LCP2: variants seen among roughly 807,000 people sequenced by gnomAD.
LCP2 encodes the protein lymphocyte cytosolic protein 2.
In LCP2, 29 loss-of-function variants were observed where a neutral mutation model predicts 74.5. That is an observed-to-expected ratio of 0.39 (90% CI 0.29 to 0.53). The LOEUF is 0.53. LCP2 is among the 20% of genes least tolerant of loss of function. The pLI, the probability that LCP2 is intolerant of heterozygous loss-of-function variation, is 0.72. For synonymous variants in LCP2, 228 were observed against 229.5 expected, an observed-to-expected ratio of 0.99 and a Z score of 0.06; for missense variants, 604 against 634.6, an observed-to-expected ratio of 0.95 and a Z score of 0.52.
At chr5:170,281,243 G>A (rs939565641) in intron 3 of LCP2, among the ~76,000 whole-genome samples, 1 of 152,032 alleles carries the variant, frequency 6.6e-6, no homozygotes, top group Non-Finnish European at 1.5e-5. Context: ...GGACCATGTT[G>A]GAGAGAGGCC....
chr5:170,277,552 G>A (rs1221070725), intron 3 of LCP2, among the ~76,000 whole-genome samples: 2 of 151,682 alleles, frequency 1.3e-5, no homozygotes, highest in Non-Finnish European at 1.5e-5. Flanking sequence ...TTCGAGACCA[G>A]CCTGGCCAAC....
At chr5:170,267,323 A>G in intron 8 of LCP2, 1 of 571,842 alleles carries the variant, frequency 1.7e-6, no homozygotes. Flanking sequence ...GCCTCCTATC[A>G]CATTAGAAAC....
chr5:170,248,938 GA>G lies in LCP2; in HGVS notation c.1480-120del, dbSNP rs111364433. On this transcript the variant is annotated intron_variant, in intron 20 of 20. Transcript: ENST00000046794. ...CTTCAAGTGATGAGGATTGTGGGGG[GA>G]AAAAATGTAAATGTGGCAATTAGTT... 4.8e-3 allele frequency: 4,760 copies of G among 992,178 alleles called. 31 individuals are homozygous for G. The highest frequency in any genetic ancestry group is 0.035 in the Middle Eastern group (155 of 4,480). The allele number at this position is 992,178 out of a possible 1,614,324, so 61.5% of individuals were successfully genotyped here.
chr5:170,271,884 G>A (rs1249749937), intron 6 of LCP2, among the ~76,000 whole-genome samples: 1 of 152,190 alleles, frequency 6.6e-6, no homozygotes, highest in Non-Finnish European at 1.5e-5. Context: ...GTGGCCTCAG[G>A]CAGACTGTCT....
intron 3 of LCP2, 29 bp from the exon 4 acceptor site, chr5:170,275,889 T>A: frequency 1.2e-5 from 19 of 1,536,980 alleles, no homozygotes; most frequent in Non-Finnish European, 1.7e-5. Context: ...GATGAAGAGA[T>A]AAAACCATCA....
At chr5:170,275,184 G>T in intron 5 of LCP2, 136 bp downstream of exon 5, 2 of 912,722 alleles carry the variant, frequency 2.2e-6, no homozygotes, top group Non-Finnish European at 3.5e-6. Context: ...ACCCTTTTCT[G>T]GGTAAGAACT....
intron 20 of LCP2, among the ~76,000 whole-genome samples, chr5:170,249,031 T>G (rs1488717851): frequency 6.6e-6 from 1 of 152,080 alleles, no homozygotes; most frequent in Non-Finnish European, 1.5e-5. Context: ...TAGATAAAGA[T>G]AAAATATGGG....
At chr5:170,281,203 C>T (rs752137977) in intron 3 of LCP2, among the ~76,000 whole-genome samples, 80 of 152,110 alleles carry the variant, frequency 5.3e-4, no homozygotes, top group Non-Finnish European at 9.0e-4. Context: ...GGTCCCTGGA[C>T]GGCAATTAGC....
intron 10 of LCP2, among the ~76,000 whole-genome samples, chr5:170,265,333 G>C (rs1319005840): frequency 2.6e-5 from 4 of 152,136 alleles, no homozygotes; most frequent in African/African-American, 9.7e-5. Context: ...AAAAGTCTCA[G>C]GTGGGGTGTA....
intron 14 of LCP2, among the ~76,000 whole-genome samples, chr5:170,259,445 T>A (rs1419128454): frequency 1.3e-5 from 2 of 152,182 alleles, no homozygotes; most frequent in South Asian, 2.1e-4. Context: ...ACCCTCACCA[T>A]TTTTATCTTC....
chr5:170,279,564 G>A (rs1295852119), intron 3 of LCP2, among the ~76,000 whole-genome samples: 1 of 152,208 alleles, frequency 6.6e-6, no homozygotes, highest in Non-Finnish European at 1.5e-5. Flanking sequence ...CTGATCACCA[G>A]GCCCAGCCTA....
chr5:170,253,135 G>C lies in LCP2; in HGVS notation c.1229C>G (p.Ser410Cys), dbSNP rs34192428. The change falls in exon 18 of 21, where the codon TCC (serine) becomes TGC (cysteine). Residue 410 changes from serine (S) to cysteine (C), a missense_variant. Ser to Cys is a moderately radical substitution (Grantham distance 112, BLOSUM62 -1). Transcript: ENST00000046794. ...CTCTCTTACCTCTTCCTCCGCGGGG[G>C]ATGGGGGCCGAGGTTTGTTTGGAAG... ...LPLPNKPRPP[S>C]PAEEENSLNE... 0.016 allele frequency: 26,138 copies of C among 1,609,648 alleles called. 263 individuals are homozygous for C. The highest frequency in any genetic ancestry group is 0.019 in the Non-Finnish European group (22,190 of 1,177,266).
intron 18 of LCP2, chr5:170,252,713 C>A: frequency 3.7e-6 from 2 of 538,240 alleles, no homozygotes; most frequent in Middle Eastern, 5.1e-4. Flanking sequence ...TTTATCATGA[C>A]ACTGGTTGCA....
chr5:170,270,802 G>A lies in LCP2; in HGVS notation c.440C>T (p.Pro147Leu), dbSNP rs764153685. 16 of 1,611,238 alleles carry A rather than the reference G, an allele frequency of 9.9e-6. No individual in the cohort carries two copies. In the East Asian group the frequency reaches 1.1e-4, roughly 11 times the overall value. ...AGCTTCCTCGTCATTGGAGGGTGGC[G>A]GCTCATAATCCGCGTCATCTTCCAC... ...APVEDDADYE[P>L]PPSNDEEALQ... is the part of the protein sequence containing the mutation. The change falls in exon 7 of 21, where the codon CCG (proline) becomes CTG (leucine). Residue 147 changes from proline to leucine, a missense_variant. Physicochemically the swap from Pro to Leu is moderately conservative, Grantham distance 98. Coordinates refer to ENST00000046794, the MANE Select transcript of LCP2 (RefSeq NM_005565.5).
intron 6 of LCP2, among the ~76,000 whole-genome samples, chr5:170,271,723 G>A (rs772097845): frequency 6.6e-6 from 1 of 151,972 alleles, no homozygotes; most frequent in Non-Finnish European, 1.5e-5. Flanking sequence ...CAGCAGTGAT[G>A]AGCGCTCATC....
chr5:170,292,139 T>A (rs1762304130), intron 2 of LCP2, among the ~76,000 whole-genome samples: 1 of 152,164 alleles, frequency 6.6e-6, no homozygotes. Context: ...CTTAGCCATT[T>A]CTCTATCCCC....
chr5:170,275,604 C>T, intron 4 of LCP2, 191 bp downstream of exon 4: 1 of 647,662 alleles, frequency 1.5e-6, no homozygotes, highest in Non-Finnish European at 2.7e-6. Context: ...CCCTGATGTC[C>T]CAGACCCAGG....
chr5:170,253,047 C>T (rs1761480237), intron 18 of LCP2, 72 bp downstream of exon 18: 1 of 912,534 alleles, frequency 1.1e-6, no homozygotes, highest in Admixed American at 2.2e-5. Flanking sequence ...GAAGAACATT[C>T]AATGGGAGTT....
chr5:170,277,743 CAAAA>C (rs371915364), intron 3 of LCP2, among the ~76,000 whole-genome samples: 45 of 117,686 alleles, frequency 3.8e-4, no homozygotes, highest in African/African-American at 4.8e-4. Context: ...AACTTCGTCT[CAAAA>C]AAAAAAAAAA....
Sources: gnomAD v4.1 joint callset for allele counts (sites outside exome capture counted in the v4.1 genomes callset) on GRCh38, gnomAD v4.1.1 for gene constraint, MANE v1.5 for transcripts, NCBI Gene and HGNC (gene_info 2026-07-23, HGNC 2026-07-21) for gene names.